Variants in LRP1B observed in about 807,000 individuals in gnomAD.
LRP1B encodes low-density lipoprotein receptor-related protein 1B.
A neutral mutation model predicts 556.6 loss-of-function variants in LRP1B; 217 were observed. That is an observed-to-expected ratio of 0.39 (90% confidence interval 0.35 to 0.44). The LOEUF (loss-of-function observed/expected upper bound fraction) is 0.44. Among genes scored for constraint, LRP1B ranks in the 20% least tolerant of loss-of-function variants. The pLI, the probability that LRP1B is intolerant of heterozygous loss-of-function variation, is 1.00. For missense variants in LRP1B, 5,053 were observed against 5,620.8 expected (o/e 0.90, Z 3.23); for synonymous variants, 2,047 against 1,865.8 (o/e 1.10, Z -2.50).
intron 3 of LRP1B, among the ~76,000 whole-genome samples, chr2:141,479,394 C>T (rs1170180586): frequency 6.6e-6 from 1 of 152,118 alleles, no homozygotes; most frequent in Non-Finnish European, 1.5e-5. Context: ...TCCCGAACAA[C>T]TGGAATTTCT....
rs150866977 is a variant in LRP1B, at chr2:141,910,089, G to A, written c.83-99688C>T. ...TTTAAAATATTTGTCTGCAGTGAGC[G>A]TAGATCACGCCACTGCACTCCAGCC... On this transcript the variant is annotated intron_variant, in intron 1 of 90. Transcript: ENST00000389484. Among the ~76,000 whole-genome samples the A allele has an allele frequency of 5.6e-5, 8 of 141,916 alleles. 1 individual carries two copies. In the East Asian group the frequency reaches 8.4e-4, roughly 15 times the overall value. The allele number at this position is 141,916 out of a possible 152,430, so 93.1% of individuals were successfully genotyped here.
At chr2:141,313,559 T>G (rs1330086544) in intron 3 of LRP1B, among the ~76,000 whole-genome samples, 1 of 152,182 alleles carries the variant, frequency 6.6e-6, no homozygotes, top group Non-Finnish European at 1.5e-5. Context: ...CAACATACAG[T>G]CTTTTTTTCC....
chr2:141,691,994 A>G (rs546569811), intron 2 of LRP1B, among the ~76,000 whole-genome samples: 3 of 152,110 alleles, frequency 2.0e-5, no homozygotes, highest in South Asian at 4.1e-4. Flanking sequence ...CCAAATGACA[A>G]TATAGTCATT....
chr2:140,399,775 G>A (rs1684413278), intron 66 of LRP1B, among the ~76,000 whole-genome samples: 3 of 152,192 alleles, frequency 2.0e-5, no homozygotes, highest in Admixed American at 2.0e-4. Context: ...CTAACAAAAG[G>A]AAGAGGAAAC....
intron 1 of LRP1B, among the ~76,000 whole-genome samples, chr2:142,065,474 T>C (rs1156278185): frequency 6.6e-6 from 1 of 151,154 alleles, no homozygotes; most frequent in African/African-American, 2.4e-5. Flanking sequence ...TCTGACTCTC[T>C]TGTTCTGCCC....
chr2:140,618,790 T>A (rs527503), intron 41 of LRP1B, among the ~76,000 whole-genome samples: 111,167 of 151,770 alleles, frequency 0.73, 40,817 homozygotes, highest in African/African-American at 0.76. Flanking sequence ...GTCCCCTCAT[T>A]CAGGACAGAA....
chr2:140,873,340 T>G (rs2105167163), intron 25 of LRP1B, among the ~76,000 whole-genome samples: 1 of 152,258 alleles, frequency 6.6e-6, no homozygotes, highest in South Asian at 2.1e-4. Flanking sequence ...TTAAATTTAG[T>G]AAGATTACCA....
At chr2:140,946,981 G>A (rs1161658170) in intron 20 of LRP1B, among the ~76,000 whole-genome samples, 2 of 152,218 alleles carry the variant, frequency 1.3e-5, no homozygotes, top group East Asian at 1.9e-4. Context: ...TTTGGTACAC[G>A]TGAACATAAA....
chr2:141,048,770 G>T (rs1698952012), intron 11 of LRP1B, among the ~76,000 whole-genome samples: 1 of 152,040 alleles, frequency 6.6e-6, no homozygotes, highest in Non-Finnish European at 1.5e-5. Context: ...GAATATAGTA[G>T]ACAACACCAA....
At chr2:140,343,231 GTT>G in intron 77 of LRP1B, among the ~76,000 whole-genome samples, 1 of 151,492 alleles carries the variant, frequency 6.6e-6, no homozygotes, top group Non-Finnish European at 1.5e-5. Flanking sequence ...ATTGGCAAAA[GTT>G]TATTAGTATT....
rs956668799 is a variant in LRP1B, at chr2:140,715,890, A to G, written c.6023+83T>C. Reference sequence around the variant, plus strand: ...TTCTTGATTTTGTCTCAGACATTACAGCTAAAAGTAATTAGTTTTTTTTCA... The same window carrying G: ...TTCTTGATTTTGTCTCAGACATTACGGCTAAAAGTAATTAGTTTTTTTTCA... On this transcript the variant is annotated intron_variant, in intron 37 of 90. Coordinates refer to ENST00000389484, the MANE Select transcript of LRP1B (RefSeq NM_018557.3). 4.4e-6 allele frequency: 5 copies of G among 1,138,698 alleles called. No homozygotes were observed. In the African/African-American group the frequency reaches 6.2e-5, roughly 14 times the overall value. 70.5% of individuals were successfully genotyped at this position (1,138,698 alleles called of 1,614,324 possible). A position where few individuals can be genotyped will look rare whatever the true frequency, so the allele number is the denominator to read the frequency against.
At chr2:141,250,286 G>C (rs1324575888) in intron 4 of LRP1B, among the ~76,000 whole-genome samples, 1 of 152,130 alleles carries the variant, frequency 6.6e-6, no homozygotes, top group Non-Finnish European at 1.5e-5. Context: ...GTCTCAGACT[G>C]GGGGCTGGTC....
At chr2:141,401,515 A>T (rs1422262056) in intron 3 of LRP1B, among the ~76,000 whole-genome samples, 1 of 152,178 alleles carries the variant, frequency 6.6e-6, no homozygotes, top group Admixed American at 6.5e-5. Flanking sequence ...CAGATGGTCA[A>T]TGTCTATAGC....
chr2:142,047,878 C>T (rs1191798652), intron 1 of LRP1B, among the ~76,000 whole-genome samples: 1 of 152,014 alleles, frequency 6.6e-6, no homozygotes, highest in African/African-American at 2.4e-5. Context: ...AGGACCAGCA[C>T]TGGATTATGA....
Position 140,494,606 on chromosome 2 carries a change from C to CAAA in LRP1B, c.9034+956_9034+958dup, listed in dbSNP as rs77006034. 6.7e-3 allele frequency among the ~76,000 whole-genome samples: 428 copies of CAAA among 64,070 alleles called. 2 individuals carry two copies. Among genetic ancestry groups the CAAA allele is most frequent in the Non-Finnish European group, 0.011 (362 of 32,200 alleles). 42.0% of individuals were successfully genotyped at this position (64,070 alleles called of 152,430 possible). A position where few individuals can be genotyped will look rare whatever the true frequency, so the allele number is the denominator to read the frequency against. ...TGGGTGACAGAGCGAGACTCCGTCT[C>CAAA]AAAAAAAAAAAAAAAAAAAAAAATT... On this transcript the variant is annotated intron_variant, in intron 56 of 90. Coordinates refer to ENST00000389484, the MANE Select transcript of LRP1B (RefSeq NM_018557.3).
At chr2:140,620,914 C>A (rs918085344) in intron 41 of LRP1B, among the ~76,000 whole-genome samples, 6 of 151,928 alleles carry the variant, frequency 3.9e-5, no homozygotes, top group Non-Finnish European at 5.9e-5. Context: ...TTCTTTTGAA[C>A]CCCCAGGATT....
intron 71 of LRP1B, among the ~76,000 whole-genome samples, chr2:140,365,818 T>A (rs1682736090): frequency 1.3e-5 from 2 of 151,638 alleles, no homozygotes; most frequent in African/African-American, 4.8e-5. Context: ...CTGAAGGTAT[T>A]AACATATTTA....
At chr2:141,765,746 A>G (rs1333786730) in intron 2 of LRP1B, among the ~76,000 whole-genome samples, 7 of 152,208 alleles carry the variant, frequency 4.6e-5, no homozygotes, top group Non-Finnish European at 7.3e-5. Context: ...TCGCTTATAG[A>G]GCATCTTGTC....
intron 7 of LRP1B, among the ~76,000 whole-genome samples, chr2:141,186,318 A>G (rs940227780): frequency 6.0e-5 from 9 of 149,156 alleles, no homozygotes; most frequent in African/African-American, 2.2e-4. Context: ...GGCGCAGAAC[A>G]TTTCCCCTTT....
Sources: allele counts gnomAD v4.1 joint callset (sites outside exome capture counted in the v4.1 genomes callset), GRCh38; gene constraint gnomAD v4.1.1; transcripts MANE v1.5; gene names NCBI Gene and HGNC (gene_info 2026-07-23, HGNC 2026-07-21).